Variants in NUP37 observed in about 807,000 individuals in gnomAD.
NUP37 encodes the protein nucleoporin 37, also known as nucleoporin Nup37.
NUP37 carries 33 observed loss-of-function variants against 45.4 expected under a neutral mutation model. The observed-to-expected ratio is 0.73, with a 90% CI of 0.55 to 0.97. The LOEUF (loss-of-function observed/expected upper bound fraction) is 0.97. NUP37 is among the 50% of genes least tolerant of loss of function. The probability of loss-of-function intolerance (pLI) is 0.00; values close to 1 mark genes in which losing one functional copy is unlikely to be tolerated. For missense variants in NUP37, 365 were observed against 389.7 expected, an observed-to-expected ratio of 0.94 and a Z score of 0.53; for synonymous variants, 127 against 130.7, an observed-to-expected ratio of 0.97 and a Z score of 0.19.
chr12:102,085,354 G>A (rs1018277521), intron 6 of NUP37, among the ~76,000 whole-genome samples: 9 of 151,962 alleles, frequency 5.9e-5, no homozygotes, highest in African/African-American at 9.7e-5. Context: ...CCTGGGAGGC[G>A]GAGGCTGCAA....
chr12:102,098,228 C>T (rs1879865042), intron 5 of NUP37, among the ~76,000 whole-genome samples: 1 of 152,080 alleles, frequency 6.6e-6, no homozygotes, highest in Non-Finnish European at 1.5e-5. Context: ...TCATCTTGTT[C>T]TTTATTTGTG....
intron 5 of NUP37, among the ~76,000 whole-genome samples, 176 bp downstream of exon 5, chr12:102,098,930 A>G (rs1487335280): frequency 1.3e-5 from 2 of 152,208 alleles, no homozygotes; most frequent in Non-Finnish European, 2.9e-5. Flanking sequence ...GATGAGGACT[A>G]TCTCACTGGT....
rs758090817 is a variant in NUP37, at chr12:102,077,463, T to C, written c.581A>G (p.Asp194Gly). The C allele has an allele frequency of 6.2e-7, 1 of 1,613,866 alleles. No individual in the cohort carries two copies. The highest frequency in any genetic ancestry group is 8.5e-7 in the Non-Finnish European group (1 of 1,180,000). The change falls in exon 7 of 10, where the codon GAT (aspartate) becomes GGT (glycine). Residue 194 changes from aspartate (D) to glycine (G), a missense_variant. Coordinates refer to ENST00000552283, the MANE Select transcript of NUP37 (RefSeq NM_024057.4). ...TAAAATAGCCTGTTGGGCCAAAAGA[T>C]CATAAAACCGGATTGTTCCATTCTT... ...AEKNGTIRFY[D>G]LLAQQAILSL... is the part of the protein sequence containing the mutation.
chr12:102,084,388 G>A (rs1879411043), intron 6 of NUP37, among the ~76,000 whole-genome samples: 1 of 152,188 alleles, frequency 6.6e-6, no homozygotes, highest in South Asian at 2.1e-4. Flanking sequence ...GCTCACAACT[G>A]TAGTCCCAGC....
chr12:102,100,284 G>T (rs1424393393), intron 4 of NUP37, among the ~76,000 whole-genome samples: 1 of 152,096 alleles, frequency 6.6e-6, no homozygotes, highest in African/African-American at 2.4e-5. Flanking sequence ...TGATTGGAAA[G>T]GTTTGTAATT....
At position 102,085,789 on chromosome 12, in the gene NUP37, A is replaced by G. The variant is rs1417546206; in HGVS notation, c.517T>C (p.Trp173Arg). ...VLHSPGMSVC[W>R]HPEETFKLMV... The stretch of plus-strand genomic sequence containing the variant: ...ACCTTAAAAGTCTCCTCAGGATGCC[A>G]GCACACACTCATGCCAGGAGAATGA... Residue 173 changes from tryptophan (W) to arginine (R), a missense_variant, in exon 6 of 10, where the codon TGG becomes CGG. Trp to Arg is a moderately radical substitution (Grantham distance 101). Coordinates refer to ENST00000552283, the MANE Select transcript of NUP37 (RefSeq NM_024057.4). 1 of 1,588,664 alleles carries G rather than the reference A, an allele frequency of 6.3e-7. No homozygotes were observed. The highest frequency in any genetic ancestry group is 1.7e-5 in the Admixed American group (1 of 59,068).
chr12:102,116,555 G>T (rs1880468561), intron 2 of NUP37, among the ~76,000 whole-genome samples: 1 of 152,166 alleles, frequency 6.6e-6, no homozygotes, highest in Non-Finnish European at 1.5e-5. Flanking sequence ...GTACGAAATA[G>T]GCTAGGAGCT....
intron 5 of NUP37, 39 bp downstream of exon 5, chr12:102,099,067 T>C: frequency 7.9e-7 from 1 of 1,261,382 alleles, no homozygotes; most frequent in Non-Finnish European, 1.2e-6. Flanking sequence ...CTCATTAAAA[T>C]GGCAATTTAA....
In NUP37 at chr12:102,112,198, T is replaced by C; in HGVS notation, c.191A>G (p.Lys64Arg). 1 of 1,613,600 alleles carries C rather than the reference T, an allele frequency of 6.2e-7. No individual in the cohort carries two copies. Among genetic ancestry groups the C allele is most frequent in the South Asian group, 1.1e-5 (1 of 91,046 alleles). ...TCCATGGTGAAATGTTCGAAGTGTT[T>C]TATACTGAATGCCTTCAACGTCTGC... ...EEADVEGIQY[K>R]TLRTFHHGVR... The change falls in exon 3 of 10, where the codon AAA becomes AGA. Residue 64 changes from lysine to arginine, a missense_variant. By Grantham distance (26) the Lys-to-Arg change is conservative. Transcript: ENST00000552283.
At chr12:102,075,652 C>T (rs1281057892) in intron 8 of NUP37, among the ~76,000 whole-genome samples, 1 of 152,076 alleles carries the variant, frequency 6.6e-6, no homozygotes, top group Non-Finnish European at 1.5e-5. Context: ...TCCAAAGTTA[C>T]ACAAGGTTGA....
chr12:102,090,236 C>CTT (rs911783018), intron 5 of NUP37, among the ~76,000 whole-genome samples: 1 of 145,146 alleles, frequency 6.9e-6, no homozygotes, highest in Admixed American at 6.9e-5. Flanking sequence ...TTTCTCAACT[C>CTT]TTTTTTTTTT....
chr12:102,082,429 A>G (rs1879355401), intron 6 of NUP37, among the ~76,000 whole-genome samples: 1 of 152,238 alleles, frequency 6.6e-6, no homozygotes, highest in African/African-American at 2.4e-5. Context: ...CGTATGGCAG[A>G]GCACTGAAAG....
At chr12:102,091,628 T>C (rs1370989359) in intron 5 of NUP37, among the ~76,000 whole-genome samples, 1 of 152,016 alleles carries the variant, frequency 6.6e-6, no homozygotes, top group Non-Finnish European at 1.5e-5. Context: ...AGGAAAAGCT[T>C]TTATGGGAAA....
chr12:102,101,869 C>T (rs1049310323), intron 3 of NUP37, among the ~76,000 whole-genome samples: 17 of 152,094 alleles, frequency 1.1e-4, no homozygotes, highest in Admixed American at 3.9e-4. Context: ...GGATTACAGG[C>T]GCCCACCACC....
At chr12:102,087,198 A>C (rs1333671999) in intron 5 of NUP37, among the ~76,000 whole-genome samples, 1 of 152,240 alleles carries the variant, frequency 6.6e-6, no homozygotes, top group Non-Finnish European at 1.5e-5. Context: ...GGAACCAATG[A>C]GGTTAAACCA....
chr12:102,117,308 G>A (rs1348440890), intron 2 of NUP37, among the ~76,000 whole-genome samples: 1 of 151,912 alleles, frequency 6.6e-6, no homozygotes, highest in Non-Finnish European at 1.5e-5. Context: ...AAATTAGCTG[G>A]GTGTGGTGGT....
At chr12:102,118,162 T>C (rs1007857257) in intron 2 of NUP37, among the ~76,000 whole-genome samples, 6 of 152,164 alleles carry the variant, frequency 3.9e-5, no homozygotes, top group African/African-American at 1.4e-4. Context: ...TGAAGCCTCA[T>C]ACCATTCTTT....
intron 6 of NUP37, among the ~76,000 whole-genome samples, chr12:102,082,184 T>C (rs902008148): frequency 6.6e-6 from 1 of 152,194 alleles, no homozygotes; most frequent in Admixed American, 6.5e-5. Context: ...GACTTTTGTA[T>C]ATTTTACTAT....
intron 6 of NUP37, among the ~76,000 whole-genome samples, chr12:102,081,165 G>A (rs1415671233): frequency 6.6e-6 from 1 of 152,186 alleles, no homozygotes; most frequent in African/African-American, 2.4e-5. Flanking sequence ...GTATGAGTTA[G>A]TAAATATAAA....
Sources: allele counts gnomAD v4.1 joint callset (sites outside exome capture counted in the v4.1 genomes callset), GRCh38; gene constraint gnomAD v4.1.1; transcripts MANE v1.5; gene names NCBI Gene and HGNC (gene_info 2026-07-23, HGNC 2026-07-21).